FBXO40: variants seen among roughly 807,000 people sequenced by gnomAD.
FBXO40 encodes F-box protein 40.
FBXO40 carries 50 observed loss-of-function variants against 49.9 expected under a neutral mutation model. The observed-to-expected ratio is 1.00, with a 90% CI of 0.80 to 1.27. The LOEUF (loss-of-function observed/expected upper bound fraction) is 1.27, where lower values mean the gene tolerates loss of function less well. Ranked by LOEUF, FBXO40 falls within the 50% of genes most tolerant of loss-of-function variation. FBXO40 has a pLI of 0.00. For missense variants in FBXO40, 895 were observed against 870.1 expected (o/e 1.03, Z -0.36); for synonymous variants, 340 against 320.2 (o/e 1.06, Z -0.66).
chr3:121,594,333 TG>T (rs1461679357), intron 1 of FBXO40, among the ~76,000 whole-genome samples: 1 of 152,074 alleles, frequency 6.6e-6, no homozygotes, highest in Non-Finnish European at 1.5e-5. Context: ...CCTGAGTAGC[TG>T]GGACTACAGG....
intron 1 of FBXO40, among the ~76,000 whole-genome samples, chr3:121,607,179 C>T (rs2048935920): frequency 1.3e-5 from 2 of 148,608 alleles, no homozygotes; most frequent in Admixed American, 6.7e-5. Context: ...GCAGGAGAAT[C>T]GCTTGAACTC....
intron 1 of FBXO40, among the ~76,000 whole-genome samples, chr3:121,611,114 G>A (rs1031384564): frequency 6.6e-6 from 1 of 152,182 alleles, no homozygotes; most frequent in Non-Finnish European, 1.5e-5. Context: ...TGAAGGGGTG[G>A]CCTGCCCCTC....
intron 1 of FBXO40, among the ~76,000 whole-genome samples, chr3:121,610,955 C>T (rs1300065696): frequency 6.6e-6 from 1 of 152,220 alleles, no homozygotes; most frequent in Non-Finnish European, 1.5e-5. Context: ...AACTGCTGTA[C>T]CTCCTACTGG....
Position 121,628,923 on chromosome 3 carries a change from A to G in FBXO40, c.*2013A>G, listed in dbSNP as rs1389031842. On this transcript the variant is annotated 3_prime_UTR_variant, in exon 4 of 4. Transcript: ENST00000338040. ...TTAGCCTTGTGTTTATATTCCTCTCACTGTAATTGGTGTCATTTTCCCAGC... is the reference window on the plus strand; with the variant it reads ...TTAGCCTTGTGTTTATATTCCTCTCGCTGTAATTGGTGTCATTTTCCCAGC... The G allele has an allele frequency of 6.6e-6, 1 of 152,154 alleles. No homozygotes were observed. The highest frequency in any genetic ancestry group is 1.5e-5 in the Non-Finnish European group (1 of 68,026). 9.4% of individuals were successfully genotyped at this position (152,154 alleles called of 1,614,324 possible).
At chr3:121,614,341 C>T (rs1576453494) in intron 1 of FBXO40, among the ~76,000 whole-genome samples, 3 of 150,130 alleles carry the variant, frequency 2.0e-5, no homozygotes, top group Admixed American at 2.0e-4. Flanking sequence ...ACTCAGGAGG[C>T]TGAGGCAGGA....
chr3:121,611,850 T>C (rs991611549), intron 1 of FBXO40, among the ~76,000 whole-genome samples: 7 of 152,360 alleles, frequency 4.6e-5, no homozygotes, highest in African/African-American at 1.7e-4. Context: ...CTTTACCAAG[T>C]ATACTGCTTG....
chr3:121,608,505 G>A (rs1425901815), intron 1 of FBXO40, among the ~76,000 whole-genome samples: 1 of 152,212 alleles, frequency 6.6e-6, no homozygotes, highest in Non-Finnish European at 1.5e-5. Flanking sequence ...CTGTATGCAG[G>A]AATGGTTTAG....
At position 121,622,015 on chromosome 3, in the gene FBXO40, A is replaced by C; in HGVS notation, c.586A>C (p.Ser196Arg). The C allele has an allele frequency of 1.9e-6, 3 of 1,614,244 alleles. No individual in the cohort carries two copies. Among genetic ancestry groups the C allele is most frequent in the Non-Finnish European group, 2.5e-6 (3 of 1,180,042 alleles). The change falls in exon 3 of 4, where the codon AGT (serine) becomes CGT (arginine). Residue 196 changes from serine to arginine, a missense_variant. Transcript: ENST00000338040. The part of the protein sequence containing the change: ...SATNGEMAEL[S>R]QEEREVLAKT... ...AACTAATGGGGAGATGGCAGAGCTA[A>C]GTCAAGAAGAACGGGAGGTGCTAGC...
intron 1 of FBXO40, among the ~76,000 whole-genome samples, chr3:121,612,431 TGG>T (rs2048971230): frequency 6.6e-6 from 1 of 152,126 alleles, no homozygotes; most frequent in Non-Finnish European, 1.5e-5. Flanking sequence ...TGGACACTTC[TGG>T]GGAACTAGGA....
chr3:121,615,200 C>CAA (rs11448457), intron 1 of FBXO40, among the ~76,000 whole-genome samples: 1,417 of 68,994 alleles, frequency 0.021, 94 homozygotes, highest in African/African-American at 0.066. Flanking sequence ...GAGAGCATCT[C>CAA]AAAAAAAAAA....
intron 1 of FBXO40, among the ~76,000 whole-genome samples, chr3:121,613,393 G>A (rs891028291): frequency 1.2e-4 from 18 of 152,114 alleles, no homozygotes; most frequent in Admixed American, 1.0e-3. Flanking sequence ...AAGGAACCCA[G>A]CGAAGAAAAG....
intron 1 of FBXO40, among the ~76,000 whole-genome samples, chr3:121,607,762 T>C (rs986575525): frequency 2.6e-5 from 4 of 152,152 alleles, no homozygotes; most frequent in African/African-American, 9.7e-5. Flanking sequence ...CTCCTTTATG[T>C]TGGACAGGTT....
At chr3:121,596,112 C>T (rs2048869567) in intron 1 of FBXO40, among the ~76,000 whole-genome samples, 2 of 152,212 alleles carry the variant, frequency 1.3e-5, no homozygotes, top group South Asian at 4.1e-4. Context: ...GATTTAAATA[C>T]ACCTGCTATA....
chr3:121,603,781 C>T (rs1355473203), intron 1 of FBXO40, among the ~76,000 whole-genome samples: 2 of 152,072 alleles, frequency 1.3e-5, no homozygotes, highest in Non-Finnish European at 2.9e-5. Flanking sequence ...TGCAGTGGCA[C>T]GATCTCAGCT....
At chr3:121,611,336 G>A (rs1348628099) in intron 1 of FBXO40, among the ~76,000 whole-genome samples, 1 of 152,174 alleles carries the variant, frequency 6.6e-6, no homozygotes. Context: ...GGAGGGCAAG[G>A]TGATAATAAG....
intron 1 of FBXO40, among the ~76,000 whole-genome samples, chr3:121,605,341 C>T (rs1047335509): frequency 2.0e-5 from 3 of 152,202 alleles, no homozygotes; most frequent in African/African-American, 7.2e-5. Context: ...AAGATTGGTG[C>T]CACATATCCA....
At chr3:121,610,924 C>G (rs1308533814) in intron 1 of FBXO40, among the ~76,000 whole-genome samples, 2 of 152,200 alleles carry the variant, frequency 1.3e-5, no homozygotes, top group Non-Finnish European at 2.9e-5. Flanking sequence ...CTTAATAACT[C>G]CAATTTAGGT....
chr3:121,610,781 C>G (rs1324909527), intron 1 of FBXO40, among the ~76,000 whole-genome samples: 1 of 152,160 alleles, frequency 6.6e-6, no homozygotes, highest in Non-Finnish European at 1.5e-5. Context: ...GTTGGGACCA[C>G]AAGCACATGC....
chr3:121,619,841 C>T (rs1372654516), intron 1 of FBXO40, among the ~76,000 whole-genome samples: 2 of 152,312 alleles, frequency 1.3e-5, no homozygotes, highest in African/African-American at 4.8e-5. Context: ...TATCACAGCT[C>T]ACAAAAGTCC....
Sources: gnomAD v4.1 joint callset for allele counts (sites outside exome capture counted in the v4.1 genomes callset) on GRCh38, gnomAD v4.1.1 for gene constraint, MANE v1.5 for transcripts, NCBI Gene and HGNC (gene_info 2026-07-23, HGNC 2026-07-21) for gene names.